Variants in TTC3 observed in about 807,000 individuals in gnomAD.
The protein encoded by TTC3 is E3 ubiquitin-protein ligase TTC3.
Under a neutral mutation model 249.6 loss-of-function variants are expected in TTC3, and 180 were observed. That is an observed-to-expected ratio of 0.72 (90% confidence interval 0.64 to 0.82). The LOEUF (loss-of-function observed/expected upper bound fraction) is 0.82. Ranked by LOEUF, TTC3 falls within the 40% of genes least tolerant of loss-of-function variation. The pLI, the probability that TTC3 is intolerant of heterozygous loss-of-function variation, is 0.00. For missense variants in TTC3, 2,061 were observed against 2,398.4 expected (o/e 0.86, Z 2.94); for synonymous variants, 717 against 805.0 (o/e 0.89, Z 1.85).
intron 36 of TTC3, among the ~76,000 whole-genome samples, chr21:37,183,390 G>A (rs1175632715): frequency 1.3e-5 from 2 of 152,146 alleles, no homozygotes; most frequent in African/African-American, 4.8e-5. Context: ...ATTGTCAGGT[G>A]GGCCAAGAGT....
At chr21:37,155,983 T>C (rs1318735958) in intron 27 of TTC3, among the ~76,000 whole-genome samples, 6 of 152,154 alleles carry the variant, frequency 3.9e-5, no homozygotes, top group African/African-American at 1.2e-4. Flanking sequence ...AAAATCTTGC[T>C]AGTTTATACT....
At chr21:37,182,686 A>G (rs1952162141) in intron 35 of TTC3, 88 bp from the exon 36 acceptor site, 6 of 1,313,986 alleles carry the variant, frequency 4.6e-6, no homozygotes, top group Non-Finnish European at 6.1e-6. Context: ...TGTTTAAGCT[A>G]TGGCACCGTC....
At chr21:37,200,788 G>A (rs569299913) in intron 45 of TTC3, among the ~76,000 whole-genome samples, 1 of 152,312 alleles carries the variant, frequency 6.6e-6, no homozygotes, top group South Asian at 2.1e-4. Context: ...GAACTATCAT[G>A]GTGTTCTAGG....
chr21:37,150,822 T>A (rs772065030), exon 25 of TTC3: 1 of 1,610,402 alleles, frequency 6.2e-7, no homozygotes, highest in Non-Finnish European at 8.5e-7. Context: ...ATTTAAAGTT[T>A]GAACACAAGG....
At chr21:37,201,752 C>G in exon 46 of TTC3, 1 of 809,570 alleles carries the variant, frequency 1.2e-6, no homozygotes, top group Non-Finnish European at 1.9e-6. Context: ...TGAGTGAATA[C>G]TTTGATGATT....
At chr21:37,101,527 A>G (rs1424372501) in intron 10 of TTC3, among the ~76,000 whole-genome samples, 1 of 150,078 alleles carries the variant, frequency 6.7e-6, no homozygotes, top group Non-Finnish European at 1.5e-5. Flanking sequence ...AAAAACAGTA[A>G]CAAATGCACA....
exon 32 of TTC3, chr21:37,164,177 G>C: frequency 6.2e-7 from 1 of 1,610,836 alleles, no homozygotes; most frequent in Non-Finnish European, 8.5e-7. Flanking sequence ...AGAAGCTATG[G>C]GACATGAACC....
At chr21:37,100,740 A>C (rs548312403) in intron 10 of TTC3, 3 of 152,248 alleles carry the variant, frequency 2.0e-5, no homozygotes, top group Admixed American at 2.0e-4. Context: ...CTCCCCTTCA[A>C]ATCTTCACAT....
intron 15 of TTC3, 151 bp from the exon 16 acceptor site, chr21:37,128,852 C>CT (rs2077242136): frequency 5.0e-6 from 2 of 403,702 alleles, no homozygotes; most frequent in Non-Finnish European, 8.9e-6. Context: ...TCAGTAGCTT[C>CT]TTTTTTGGCT....
chr21:37,196,122 G>A, intron 42 of TTC3, 86 bp downstream of exon 42: 1 of 1,522,608 alleles, frequency 6.6e-7, no homozygotes, highest in Non-Finnish European at 8.8e-7. Context: ...CTAGTTAGGT[G>A]TTAACATGAA....
At chr21:37,087,773 T>A in intron 2 of TTC3, 60 bp from the exon 3 acceptor site, 2 of 1,317,484 alleles carry the variant, frequency 1.5e-6, no homozygotes, top group Non-Finnish European at 2.1e-6. Flanking sequence ...TGATAATCCT[T>A]AGATTAAAAA....
intron 10 of TTC3, among the ~76,000 whole-genome samples, chr21:37,099,676 A>T (rs2099700639): frequency 6.6e-6 from 1 of 152,198 alleles, no homozygotes; most frequent in African/African-American, 2.4e-5. Context: ...AGGATGTGGA[A>T]CAAAGGAGAC....
At chr21:37,119,668 C>T (rs1369093048) in intron 11 of TTC3, among the ~76,000 whole-genome samples, 1 of 152,140 alleles carries the variant, frequency 6.6e-6, no homozygotes, top group Non-Finnish European at 1.5e-5. Flanking sequence ...TATCAGTAAG[C>T]GGGATCAATC....
intron 1 of TTC3, chr21:37,083,220 G>A: frequency 1.0e-6 from 1 of 985,416 alleles, no homozygotes; most frequent in Non-Finnish European, 1.2e-6. Context: ...TGTTTAGGAA[G>A]GACAAGCAGT....
chr21:37,074,908 T>C (rs1802731492), intron 1 of TTC3, among the ~76,000 whole-genome samples: 2 of 152,206 alleles, frequency 1.3e-5, no homozygotes, highest in Admixed American at 1.3e-4. Context: ...AGCTAACCAA[T>C]CCATGATTCA....
chr21:37,081,109 C>CTTT (rs58809719), intron 1 of TTC3, among the ~76,000 whole-genome samples: 780 of 58,192 alleles, frequency 0.013, 139 homozygotes, highest in East Asian at 0.097. Flanking sequence ...TTATTTATGC[C>CTTT]TTTTTTTTTT....
intron 6 of TTC3, 160 bp downstream of exon 6, chr21:37,090,446 G>C: frequency 1.7e-6 from 1 of 598,196 alleles, no homozygotes; most frequent in Non-Finnish European, 2.1e-6. Context: ...CCTCATTTTG[G>C]GGGTTTGGAT....
At position 37,082,504 on chromosome 21, in the gene TTC3, G is replaced by A. The variant is rs2071835954; in HGVS notation, c.-11-4743G>A. 4.1e-6 allele frequency: 4 copies of A among 985,252 alleles called. No individual in the cohort carries two copies. In the Admixed American group the frequency reaches 2.5e-4, roughly 61 times the overall value. The allele number at this position is 985,252 out of a possible 1,614,324, so 61.0% of individuals were successfully genotyped here. ...ATCAGCTTTGTCTGGGAGCCAGAAA[G>A]TTTAGCTGGCATCACTTTTGAGTTC... On this transcript the variant is annotated intron_variant, in intron 1 of 45. Coordinates refer to ENST00000355666, the Ensembl canonical transcript of TTC3.
chr21:37,169,736 T>C (rs557350046), intron 34 of TTC3, among the ~76,000 whole-genome samples: 1 of 151,138 alleles, frequency 6.6e-6, no homozygotes, highest in East Asian at 1.9e-4. Flanking sequence ...TAACCCCAGC[T>C]ACTTGGGAGG....
Sources: gnomAD v4.1 joint callset for allele counts (sites outside exome capture counted in the v4.1 genomes callset) on GRCh38, gnomAD v4.1.1 for gene constraint, MANE v1.5 for transcripts, NCBI Gene and HGNC (gene_info 2026-07-23, HGNC 2026-07-21) for gene names.